PALS2: variants seen among roughly 807,000 people sequenced by gnomAD.
PALS2 encodes the protein protein associated with LIN7 2, MAGUK p55 family member.
A neutral mutation model predicts 61.6 loss-of-function variants in PALS2; 27 were observed. The observed-to-expected ratio is 0.44, with a 90% CI of 0.32 to 0.60. PALS2 has a LOEUF of 0.60. PALS2 is among the 20% of genes least tolerant of loss of function. PALS2 has a pLI of 0.05. For synonymous variants in PALS2, 236 were observed against 218.6 expected (o/e 1.08, Z -0.70); for missense variants, 554 against 639.4 (o/e 0.87, Z 1.44).
intron 1 of PALS2, among the ~76,000 whole-genome samples, chr7:24,584,463 T>C (rs1782978746): frequency 6.7e-6 from 1 of 149,506 alleles, no homozygotes; most frequent in African/African-American, 2.5e-5. Context: ...ATGTCTTCTT[T>C]TGAGAAGTGT....
intron 3 of PALS2, among the ~76,000 whole-genome samples, chr7:24,646,125 C>G (rs190400983): frequency 1.3e-5 from 2 of 152,154 alleles, no homozygotes; most frequent in East Asian, 3.9e-4. Flanking sequence ...TCCTCTCATC[C>G]TATCTGGATG....
intron 1 of PALS2, among the ~76,000 whole-genome samples, chr7:24,610,076 A>G (rs565541520): frequency 1.3e-5 from 2 of 152,286 alleles, no homozygotes; most frequent in South Asian, 4.1e-4. Context: ...AACCCATCAA[A>G]TAAAGAGTTA....
At chr7:24,623,907 C>T (rs552236811) in intron 2 of PALS2, 123 bp downstream of exon 2, 9 of 945,076 alleles carry the variant, frequency 9.5e-6, no homozygotes, top group East Asian at 5.4e-5. Context: ...CAAATAAAAA[C>T]ATTCAGCACA....
rs370238965 is a variant in PALS2 at position 24,595,451 on chromosome 7, TAATATATATA to T, written c.-3+21874_-3+21883del. 3.7e-3 allele frequency among the ~76,000 whole-genome samples: 515 copies of T among 139,096 alleles called. 3 individuals are homozygous for T. Among genetic ancestry groups the T allele is most frequent in the African/African-American group, 0.011 (410 of 37,528 alleles). The allele number at this position is 139,096 out of a possible 152,430, so 91.3% of individuals were successfully genotyped here. On this transcript the variant is annotated intron_variant, in intron 1 of 11. Transcript: ENST00000222644. ...AAAAATATATAAAATACATAATATA[TAATATATATA>T]AATATATATAAATATGTAAATATAT...
At chr7:24,595,538 T>C (rs56333874) in intron 1 of PALS2, among the ~76,000 whole-genome samples, 3 of 123,350 alleles carry the variant, frequency 2.4e-5, no homozygotes, top group Non-Finnish European at 5.1e-5. Flanking sequence ...ATATAATATA[T>C]AATATATAAA....
At chr7:24,575,993 G>T (rs1219181259) in intron 1 of PALS2, among the ~76,000 whole-genome samples, 2 of 151,792 alleles carry the variant, frequency 1.3e-5, no homozygotes, top group South Asian at 2.1e-4. Context: ...TCTACTTCAG[G>T]TAAGTATAGT....
intron 9 of PALS2, among the ~76,000 whole-genome samples, chr7:24,670,450 G>A (rs916957936): frequency 6.6e-6 from 1 of 151,740 alleles, no homozygotes; most frequent in African/African-American, 2.4e-5. Flanking sequence ...AGTTCCCTTT[G>A]TTGTTATCCT....
chr7:24,590,992 T>C (rs1393993375), intron 1 of PALS2, among the ~76,000 whole-genome samples: 2 of 152,100 alleles, frequency 1.3e-5, no homozygotes, highest in African/African-American at 4.8e-5. Context: ...TCTAAGCAGT[T>C]CCTAAACTTC....
At chr7:24,619,246 T>A (rs1784403607) in intron 1 of PALS2, among the ~76,000 whole-genome samples, 1 of 151,650 alleles carries the variant, frequency 6.6e-6, no homozygotes. Flanking sequence ...TTTGTTTTCC[T>A]CTCTTTTTAT....
intron 2 of PALS2, among the ~76,000 whole-genome samples, chr7:24,633,474 C>G (rs934658872): frequency 1.6e-5 from 2 of 127,252 alleles, no homozygotes; most frequent in Admixed American, 1.9e-4. Flanking sequence ...TGCCCCCCCC[C>G]CACCCCGATG....
Position 24,690,077 on chromosome 7 carries a change from CTTAA to C in PALS2, c.*2469_*2472del, listed in dbSNP as rs1387903060. 1 of 152,156 alleles carries C rather than the reference CTTAA, an allele frequency of 6.6e-6. No individual in the cohort carries two copies. The highest frequency in any genetic ancestry group is 1.5e-5 in the Non-Finnish European group (1 of 68,024). The allele number at this position is 152,156 out of a possible 1,614,324, so 9.4% of individuals were successfully genotyped here. A position where few individuals can be genotyped will look rare whatever the true frequency, so the allele number is the denominator to read the frequency against. ...TATAAATGGTATTCATGATTGACTACTTAATTAATGCACATTAGATTTCTCCTAA... is the reference window on the plus strand; with the variant it reads ...TATAAATGGTATTCATGATTGACTACTTAATGCACATTAGATTTCTCCTAA... On this transcript the variant is annotated 3_prime_UTR_variant, in exon 12 of 12. Coordinates refer to ENST00000222644, the MANE Select transcript of PALS2 (RefSeq NM_001303037.2).
intron 1 of PALS2, among the ~76,000 whole-genome samples, chr7:24,611,114 C>T (rs1784095455): frequency 6.6e-6 from 1 of 152,064 alleles, no homozygotes; most frequent in Admixed American, 6.6e-5. Flanking sequence ...AGTTCTAAAC[C>T]TGGGTAGAAA....
At chr7:24,671,776 C>T (rs1028858496) in intron 9 of PALS2, among the ~76,000 whole-genome samples, 2 of 152,076 alleles carry the variant, frequency 1.3e-5, no homozygotes, top group Non-Finnish European at 2.9e-5. Flanking sequence ...GTTGTCACAA[C>T]ACAATTTGTC....
chr7:24,585,788 T>A (rs1040204364), intron 1 of PALS2, among the ~76,000 whole-genome samples: 2 of 152,170 alleles, frequency 1.3e-5, no homozygotes, highest in Non-Finnish European at 2.9e-5. Context: ...AAGCTCCGCC[T>A]CCTGGGTTCA....
chr7:24,620,358 T>C (rs1021518909), intron 1 of PALS2: 2 of 152,210 alleles, frequency 1.3e-5, no homozygotes, highest in African/African-American at 4.8e-5. Context: ...CTATGTATTG[T>C]ATTTTGACTA....
intron 11 of PALS2, among the ~76,000 whole-genome samples, chr7:24,685,987 C>T (rs1201605706): frequency 2.0e-5 from 3 of 152,156 alleles, no homozygotes; most frequent in Non-Finnish European, 4.4e-5. Context: ...TACATCTCCA[C>T]TTGGATGTCT....
chr7:24,605,568 T>C (rs1352446951), intron 1 of PALS2, among the ~76,000 whole-genome samples: 1 of 152,096 alleles, frequency 6.6e-6, no homozygotes, highest in Non-Finnish European at 1.5e-5. Context: ...GATACAAATA[T>C]GTAAATATGT....
At chr7:24,580,494 C>T (rs1782799427) in intron 1 of PALS2, among the ~76,000 whole-genome samples, 1 of 152,218 alleles carries the variant, frequency 6.6e-6, no homozygotes, top group African/African-American at 2.4e-5. Flanking sequence ...AATACTTCTG[C>T]ACATACCTCA....
At chr7:24,626,007 C>G (rs1335265638) in intron 2 of PALS2, among the ~76,000 whole-genome samples, 1 of 152,116 alleles carries the variant, frequency 6.6e-6, no homozygotes, top group African/African-American at 2.4e-5. Context: ...GCAGAAATAT[C>G]TGGCCACTAA....
Sources: gnomAD v4.1 joint callset for allele counts (sites outside exome capture counted in the v4.1 genomes callset) on GRCh38, gnomAD v4.1.1 for gene constraint, MANE v1.5 for transcripts, NCBI Gene and HGNC (gene_info 2026-07-23, HGNC 2026-07-21) for gene names.